Variants in RWDD1 observed in about 807,000 individuals in gnomAD.
RWDD1 encodes RWD domain-containing protein 1.
In RWDD1, 17 loss-of-function variants were observed where a neutral mutation model predicts 31.6. That is an observed-to-expected ratio of 0.54 (90% CI 0.37 to 0.81). RWDD1 has a LOEUF of 0.81. Among genes scored for constraint, RWDD1 ranks in the 30% least tolerant of loss-of-function variants. The probability of loss-of-function intolerance (pLI) is 0.00; values close to 1 mark genes in which losing one functional copy is unlikely to be tolerated. For missense variants in RWDD1, 204 were observed against 274.5 expected, an observed-to-expected ratio of 0.74 and a Z score of 1.82; for synonymous variants, 78 against 94.2, an observed-to-expected ratio of 0.83 and a Z score of 0.99.
intron 2 of RWDD1, among the ~76,000 whole-genome samples, chr6:116,582,865 G>T (rs1197764623): frequency 6.7e-6 from 1 of 149,864 alleles, no homozygotes; most frequent in Non-Finnish European, 1.5e-5. Context: ...ATTTTTATTT[G>T]ATTGTAGGCA....
In RWDD1 at chr6:116,597,262, C is replaced by T. The variant is rs1157916674; in HGVS notation, c.*4161C>T. ...GAGAGAAGAGGTTCTACTCAGTCCA[C>T]CAAAGCTTTTTAATTTCCTTACATA... On this transcript the variant is annotated 3_prime_UTR_variant, in exon 7 of 7. Transcript: ENST00000466444. 1.3e-5 allele frequency: 2 copies of T among 152,062 alleles called. No individual in the cohort carries two copies. Among genetic ancestry groups the T allele is most frequent in the South Asian group, 4.1e-4 (2 of 4,824 alleles). 9.4% of individuals were successfully genotyped at this position (152,062 alleles called of 1,614,324 possible).
At chr6:116,572,963 G>A in intron 1 of RWDD1, 1 of 985,506 alleles carries the variant, frequency 1.0e-6, no homozygotes, top group Non-Finnish European at 1.2e-6. Flanking sequence ...AGTGAAGAGG[G>A]GTTTGAGAGT....
intron 1 of RWDD1, chr6:116,574,015 T>C: frequency 1.0e-6 from 1 of 981,488 alleles, no homozygotes; most frequent in Non-Finnish European, 1.2e-6. Flanking sequence ...GTTGTGATTA[T>C]AACAAATCAT....
chr6:116,590,869 A>ATT lies in RWDD1; in HGVS notation c.548-19_548-18insTT. 6.7e-7 allele frequency: 1 copy of ATT among 1,502,764 alleles called. No individual in the cohort carries two copies. The highest frequency in any genetic ancestry group is 2.3e-5 in the Admixed American group (1 of 44,046). The allele number at this position is 1,502,764 out of a possible 1,614,324, so 93.1% of individuals were successfully genotyped here. A position where few individuals can be genotyped will look rare whatever the true frequency, so the allele number is the denominator to read the frequency against. On this transcript the variant is annotated intron_variant, in intron 5 of 6. Transcript: ENST00000466444. ...AAACTATGCCATTTGAATTAAACAT[A>ATT]CTTTTTTTTTTTTTTTAGGGAAACA...
At chr6:116,580,790 A>T (rs1286479307) in intron 2 of RWDD1, among the ~76,000 whole-genome samples, 1 of 152,056 alleles carries the variant, frequency 6.6e-6, no homozygotes, top group Non-Finnish European at 1.5e-5. Context: ...GGCTGGATAT[A>T]TGTCTGTCTG....
At chr6:116,573,539 CT>C in intron 1 of RWDD1, among the ~76,000 whole-genome samples, 1 of 152,144 alleles carries the variant, frequency 6.6e-6, no homozygotes, top group Non-Finnish European at 1.5e-5. Context: ...TGATCATGTT[CT>C]TTATGAAAAC....
chr6:116,575,105 G>A (rs1018514111), intron 1 of RWDD1, among the ~76,000 whole-genome samples: 1 of 151,032 alleles, frequency 6.6e-6, no homozygotes, highest in African/African-American at 2.5e-5. Context: ...ATTTTTTTTT[G>A]AGAGAGAGTC....
In RWDD1 at chr6:116,594,565, C is replaced by A. The variant is rs991572737; in HGVS notation, c.*1464C>A. Reference sequence around the variant, plus strand: ...TCTATATATTTTGGTATTTTCTTTACCTCTTCTCTAATTAACCAGTCTGAA... The same window carrying A: ...TCTATATATTTTGGTATTTTCTTTAACTCTTCTCTAATTAACCAGTCTGAA... On this transcript the variant is annotated 3_prime_UTR_variant, in exon 7 of 7. Coordinates refer to ENST00000466444, the MANE Select transcript of RWDD1 (RefSeq NM_015952.4). 2.0e-5 allele frequency: 3 copies of A among 152,170 alleles called. No individual in the cohort carries two copies. The highest frequency in any genetic ancestry group is 7.2e-5 in the African/African-American group (3 of 41,428). The allele number at this position is 152,170 out of a possible 1,614,324, so 9.4% of individuals were successfully genotyped here.
rs1395223090 is a variant in RWDD1 at position 116,597,542 on chromosome 6, T to A, written c.*4441T>A. 6.6e-6 allele frequency: 1 copy of A among 152,164 alleles called. No homozygotes were observed. The highest frequency in any genetic ancestry group is 1.5e-5 in the Non-Finnish European group (1 of 68,018). The allele number at this position is 152,164 out of a possible 1,614,324, so 9.4% of individuals were successfully genotyped here. ...ATCCTTTACTGTTGAATATTTAGAT[T>A]GTTTTCAATTTTTACATAATGAACA... On this transcript the variant is annotated 3_prime_UTR_variant, in exon 7 of 7. Transcript: ENST00000466444.
At position 116,595,212 on chromosome 6, in the gene RWDD1, C is replaced by T. The variant is rs1775220819; in HGVS notation, c.*2111C>T. ...AACTTTGAAGTGTCAAGAATGATAA[C>T]CTCCCATCCACTTCATGTGATTTTT... On this transcript the variant is annotated 3_prime_UTR_variant, in exon 7 of 7. Transcript: ENST00000466444. 1 of 152,172 alleles carries T rather than the reference C, an allele frequency of 6.6e-6. No homozygotes were observed. The highest frequency in any genetic ancestry group is 1.5e-5 in the Non-Finnish European group (1 of 68,008). 9.4% of individuals were successfully genotyped at this position (152,172 alleles called of 1,614,324 possible). A position where few individuals can be genotyped will look rare whatever the true frequency, so the allele number is the denominator to read the frequency against.
Position 116,580,377 on chromosome 6 carries a change from A to G in RWDD1, c.139+17A>G, listed in dbSNP as rs755176016. On this transcript the variant is annotated intron_variant, in intron 2 of 6. Transcript: ENST00000466444. ...ATGATGAAAGTAAGTCTTATAAAAA[A>G]TACTTGTGGTTTTTCTAAATTTCTC... 1.3e-6 allele frequency: 2 copies of G among 1,564,128 alleles called. No homozygotes were observed. Among genetic ancestry groups the G allele is most frequent in the Admixed American group, 3.5e-5 (2 of 56,854 alleles).
intron 1 of RWDD1, among the ~76,000 whole-genome samples, chr6:116,578,766 A>G (rs777316256): frequency 7.2e-5 from 11 of 152,210 alleles, no homozygotes; most frequent in Non-Finnish European, 1.5e-4. Context: ...ATATGAATCT[A>G]CTGAGTCTTT....
chr6:116,589,448 C>T (rs944903435), intron 4 of RWDD1, among the ~76,000 whole-genome samples: 2 of 152,070 alleles, frequency 1.3e-5, no homozygotes, highest in African/African-American at 2.4e-5. Context: ...GGCTCTCAGG[C>T]TATGGGTTGG....
intron 1 of RWDD1, among the ~76,000 whole-genome samples, chr6:116,578,419 A>G (rs1419249971): frequency 2.0e-5 from 3 of 152,240 alleles, no homozygotes; most frequent in Admixed American, 6.5e-5. Flanking sequence ...AATGCATAGC[A>G]TAGCACAAGC....
intron 1 of RWDD1, among the ~76,000 whole-genome samples, chr6:116,576,806 T>G (rs1583329666): frequency 6.6e-6 from 1 of 152,148 alleles, no homozygotes; most frequent in East Asian, 1.9e-4. Flanking sequence ...GAAACAGGAC[T>G]CTGAGGGATC....
rs1333712235 is a variant in RWDD1 at position 116,594,152 on chromosome 6, T to A, written c.*1051T>A. ...TTTTTAAACTAGCTTTGGTGGGAACTCCCTCACCCCTGCTCCCCACAGGAA... is the reference window on the plus strand; with the variant it reads ...TTTTTAAACTAGCTTTGGTGGGAACACCCTCACCCCTGCTCCCCACAGGAA... On this transcript the variant is annotated 3_prime_UTR_variant, in exon 7 of 7. Transcript: ENST00000466444. 6.7e-6 allele frequency: 1 copy of A among 149,432 alleles called. No homozygotes were observed. Among genetic ancestry groups the A allele is most frequent in the East Asian group, 2.0e-4 (1 of 5,076 alleles). 9.3% of individuals were successfully genotyped at this position (149,432 alleles called of 1,614,324 possible). A position where few individuals can be genotyped will look rare whatever the true frequency, so the allele number is the denominator to read the frequency against.
intron 2 of RWDD1, among the ~76,000 whole-genome samples, chr6:116,581,955 G>A (rs973934403): frequency 6.6e-6 from 1 of 151,890 alleles, no homozygotes; most frequent in African/African-American, 2.4e-5. Context: ...TGGAAGTATG[G>A]TTGTATTGAA....
In RWDD1 at chr6:116,589,817, T is replaced by A. The variant is rs58760845; in HGVS notation, c.415-455T>A. Among the ~76,000 whole-genome samples, 951 of 152,114 alleles carry A rather than the reference T, an allele frequency of 6.3e-3. 11 individuals are homozygous for A. The highest frequency in any genetic ancestry group is 0.022 in the African/African-American group (928 of 41,500). The stretch of plus-strand genomic sequence containing the variant: ...AGAAACCCCTGATAAACCCATCAGA[T>A]CTTGTGAGATTTATTCACTATCATG... On this transcript the variant is annotated intron_variant, in intron 4 of 6. Coordinates refer to ENST00000466444, the MANE Select transcript of RWDD1 (RefSeq NM_015952.4).
intron 1 of RWDD1, 54 bp downstream of exon 1, chr6:116,571,709 AG>A: frequency 6.5e-7 from 1 of 1,541,810 alleles, no homozygotes; most frequent in Non-Finnish European, 8.9e-7. Context: ...TAGGACGGGC[AG>A]GAGCTGCCGC....
Sources: allele counts gnomAD v4.1 joint callset (sites outside exome capture counted in the v4.1 genomes callset), GRCh38; gene constraint gnomAD v4.1.1; transcripts MANE v1.5; gene names NCBI Gene and HGNC (gene_info 2026-07-23, HGNC 2026-07-21).